Variants in CADPS observed in about 807,000 individuals in gnomAD.
The protein encoded by CADPS is calcium dependent secretion activator, also known as calcium-dependent secretion activator 1.
In CADPS, 57 loss-of-function variants were observed where a neutral mutation model predicts 167.3. That is an observed-to-expected ratio of 0.34 (90% CI 0.28 to 0.42). The LOEUF (loss-of-function observed/expected upper bound fraction) is 0.42, where lower values mean the gene tolerates loss of function less well. Ranked by LOEUF, CADPS falls within the 20% of genes least tolerant of loss-of-function variation. CADPS has a pLI of 1.00. For missense variants in CADPS, 1,414 were observed against 1,738.1 expected (o/e 0.81, Z 3.32); for synonymous variants, 676 against 635.3 (o/e 1.06, Z -0.96).
intron 1 of CADPS, among the ~76,000 whole-genome samples, chr3:62,849,706 A>C (rs1003293648): frequency 9.8e-5 from 14 of 143,418 alleles, no homozygotes; most frequent in African/African-American, 3.7e-4. Context: ...TTTTTGCATC[A>C]ATGTTCATCA....
intron 1 of CADPS, among the ~76,000 whole-genome samples, chr3:62,806,420 T>TA (rs2094105149): frequency 6.6e-6 from 1 of 151,228 alleles, no homozygotes; most frequent in Non-Finnish European, 1.5e-5. Context: ...TATTCCTAGT[T>TA]ACTCAGAAGG....
intron 1 of CADPS, among the ~76,000 whole-genome samples, chr3:62,815,269 T>C (rs1348392112): frequency 1.4e-5 from 2 of 142,804 alleles, no homozygotes; most frequent in Admixed American, 1.4e-4. Context: ...ATTCTACACA[T>C]AATGAACATC....
intron 1 of CADPS, chr3:62,779,683 C>T: frequency 2.0e-6 from 1 of 503,074 alleles, no homozygotes; most frequent in Non-Finnish European, 4.1e-6. Flanking sequence ...CCGACCAAAG[C>T]CCCATTCTGA....
chr3:62,447,430 G>C (rs1229029821), intron 26 of CADPS, among the ~76,000 whole-genome samples: 1 of 152,064 alleles, frequency 6.6e-6, no homozygotes, highest in Non-Finnish European at 1.5e-5. Context: ...AGCATTGATT[G>C]CAATTCAGCC....
Position 62,874,972 on chromosome 3 carries a change from C to A in CADPS, c.58G>T (p.Gly20Cys), listed in dbSNP as rs768322888. The A allele has an allele frequency of 1.9e-6, 3 of 1,593,080 alleles. No individual in the cohort carries two copies. Among genetic ancestry groups the A allele is most frequent in the Non-Finnish European group, 1.7e-6 (2 of 1,170,548 alleles). Residue 20 changes from glycine to cysteine, a missense_variant, in exon 1 of 30, where the codon GGC becomes TGC. Around this residue, in one of 6 missense-constraint regions of CADPS, gnomAD observed 522 missense variants for 559.5 expected, o/e 0.93. Transcript: ENST00000383710. The surrounding 1 kb of genome is among the most constrained non-coding windows in gnomAD (Gnocchi z 7.1). ...ESDEIVEEES[G>C]KEVLGSAPSG... ...GGGGCCGAGCCGAGCACCTCCTTGC[C>A]GCTCTCCTCCTCCACGATCTCATCC... is the stretch of plus-strand genomic sequence containing the variant.
intron 21 of CADPS, among the ~76,000 whole-genome samples, chr3:62,486,237 G>A (rs1039276815): frequency 1.3e-5 from 2 of 152,128 alleles, no homozygotes; most frequent in African/African-American, 4.8e-5. Flanking sequence ...ACGAGGTCAG[G>A]AGATCGAGAC....
At chr3:62,676,445 A>G (rs1467962241) in intron 3 of CADPS, among the ~76,000 whole-genome samples, 3 of 152,136 alleles carry the variant, frequency 2.0e-5, no homozygotes, top group African/African-American at 7.2e-5. Context: ...TCAACCTGTA[A>G]TGGTCATCAT....
intron 1 of CADPS, among the ~76,000 whole-genome samples, chr3:62,785,176 C>G (rs572283110): frequency 1.3e-5 from 2 of 152,208 alleles, no homozygotes; most frequent in South Asian, 2.1e-4. Context: ...AACCTCTCTA[C>G]CTGTTTATAT....
rs2152497614 is a variant in CADPS, at chr3:62,764,742, A to C, written c.555+1129T>G. Among the ~76,000 whole-genome samples, 2 of 152,338 alleles carry C rather than the reference A, an allele frequency of 1.3e-5. 1 individual carries two copies. The highest frequency in any genetic ancestry group is 4.1e-4 in the South Asian group (2 of 4,828). The stretch of plus-strand genomic sequence containing the variant: ...GTGGGCTGAATCAGATGGGCAGACT[A>C]AGTACGTGCTTAGAGCACCAGCAAA... On this transcript the variant is annotated intron_variant, in intron 2 of 29. Coordinates refer to ENST00000383710, the MANE Select transcript of CADPS (RefSeq NM_003716.4).
chr3:62,516,763 CGTTGT>C, intron 14 of CADPS, 120 bp from the exon 15 acceptor site: 1 of 684,728 alleles, frequency 1.5e-6, no homozygotes, highest in Non-Finnish European at 2.6e-6. Context: ...TATTTTGTCA[CGTTGT>C]GTTATGTTAA....
intron 1 of CADPS, among the ~76,000 whole-genome samples, chr3:62,826,625 C>T (rs2074094492): frequency 6.6e-6 from 1 of 152,112 alleles, no homozygotes; most frequent in Non-Finnish European, 1.5e-5. Flanking sequence ...CTTCAAGTCT[C>T]CATAGCTCCT....
chr3:62,545,748 T>C (rs1213099380), intron 11 of CADPS, among the ~76,000 whole-genome samples: 1 of 152,126 alleles, frequency 6.6e-6, no homozygotes. Context: ...AAGACCCAAA[T>C]AAACTCACAA....
At chr3:62,621,657 G>A (rs1435481480) in intron 6 of CADPS, among the ~76,000 whole-genome samples, 1 of 151,852 alleles carries the variant, frequency 6.6e-6, no homozygotes, top group Non-Finnish European at 1.5e-5. Flanking sequence ...TGCTTCGTGG[G>A]GGTTTCTTGT....
At chr3:62,599,797 A>ATTATATACAATATATATAATATATATT (rs1553969034) in intron 6 of CADPS, among the ~76,000 whole-genome samples, 1 of 8,542 alleles carries the variant, frequency 1.2e-4, no homozygotes, top group African/African-American at 3.3e-4. Flanking sequence ...TAATATATAT[A>ATTATATACAATATATATAATATATATT]ATATATAATA....
chr3:62,767,523 A>G (rs766126219), intron 1 of CADPS, among the ~76,000 whole-genome samples: 18 of 152,216 alleles, frequency 1.2e-4, no homozygotes, highest in Admixed American at 7.9e-4. Flanking sequence ...CAATATAATT[A>G]GAAAATAAAG....
chr3:62,599,753 A>G, intron 6 of CADPS, among the ~76,000 whole-genome samples: 1 of 32,952 alleles, frequency 3.0e-5, no homozygotes, highest in Non-Finnish European at 4.9e-5. Flanking sequence ...ATAATCTATT[A>G]TATATATTGT....
intron 9 of CADPS, among the ~76,000 whole-genome samples, chr3:62,565,172 G>C (rs1250515495): frequency 6.6e-6 from 1 of 152,122 alleles, no homozygotes; most frequent in African/African-American, 2.4e-5. Context: ...TTTAGAATGA[G>C]GCCCCAGTAA....
intron 3 of CADPS, among the ~76,000 whole-genome samples, chr3:62,728,228 C>T (rs2077107825): frequency 6.6e-6 from 1 of 151,738 alleles, no homozygotes. Context: ...AACTCAAATC[C>T]AAAAGGGTCT....
chr3:62,547,936 T>C (rs904115866), intron 11 of CADPS, among the ~76,000 whole-genome samples: 1 of 152,128 alleles, frequency 6.6e-6, no homozygotes, highest in Non-Finnish European at 1.5e-5. Context: ...TAGCAAACCA[T>C]GTAGCAGTTT....
Sources: allele counts gnomAD v4.1 joint callset (sites outside exome capture counted in the v4.1 genomes callset), GRCh38; gene constraint gnomAD v4.1.1; regional missense constraint gnomAD v4.1.1; non-coding constraint Gnocchi (gnomAD v3.1); transcripts MANE v1.5; gene names NCBI Gene and HGNC (gene_info 2026-07-23, HGNC 2026-07-21).